KL: variants seen among roughly 807,000 people sequenced by gnomAD.
The protein encoded by KL is klotho, also known as alpha-klotho.
KL carries 62 observed loss-of-function variants against 84.2 expected under a neutral mutation model. The observed-to-expected ratio is 0.74, with a 90% CI of 0.60 to 0.91. KL has a LOEUF of 0.91. KL is among the 40% of genes least tolerant of loss of function. The probability of loss-of-function intolerance (pLI) is 0.00; values close to 1 mark genes in which losing one functional copy is unlikely to be tolerated. For synonymous variants in KL, 528 were observed against 528.0 expected, an observed-to-expected ratio of 1.00 and a Z score of 0.00; for missense variants, 1,261 against 1,305.7, an observed-to-expected ratio of 0.97 and a Z score of 0.53.
At chr13:33,050,943 G>C (rs1381328808) in intron 1 of KL, among the ~76,000 whole-genome samples, 1 of 152,208 alleles carries the variant, frequency 6.6e-6, no homozygotes, top group Non-Finnish European at 1.5e-5. Flanking sequence ...ATAGTTAGAG[G>C]AGTAGGGAAT....
chr13:33,049,734 G>T (rs1450523094), intron 1 of KL, among the ~76,000 whole-genome samples: 1 of 152,200 alleles, frequency 6.6e-6, no homozygotes, highest in Non-Finnish European at 1.5e-5. Context: ...GAACAGGTGG[G>T]CAGGGTGAGA....
In KL at chr13:33,061,066, G is replaced by A. The variant is rs763374333; in HGVS notation, c.1987G>A (p.Ala663Thr). The A allele has an allele frequency of 7.9e-5, 128 of 1,612,864 alleles. No homozygotes were observed. Among genetic ancestry groups the A allele is most frequent in the South Asian group, 7.9e-4 (72 of 90,954 alleles). ...GGGCGCCTGGGAGAACCCCTACACT[G>A]CCCTGGCCTTTGCAGAGTATGCCCG... ...RQGAWENPYT[A>T]LAFAEYARLC... is the part of the protein sequence containing the mutation. The change falls in exon 4 of 5, where the codon GCC becomes ACC. Residue 663 changes from alanine (A) to threonine (T), a missense_variant. Transcript: ENST00000380099.
At chr13:33,035,776 C>T (rs1485373578) in intron 1 of KL, among the ~76,000 whole-genome samples, 5 of 152,092 alleles carry the variant, frequency 3.3e-5, no homozygotes, top group Non-Finnish European at 4.4e-5. Flanking sequence ...AACAACCTAG[C>T]GTCAATGACT....
Position 33,057,811 on chromosome 13 carries a change from A to G in KL, c.1599+2496A>G, listed in dbSNP as rs189573743. ...CCCTAACTGACCTGACGTAGTCAAA[A>G]TAAGTTCTTTGTATGTCAGTTCTGA... On this transcript the variant is annotated intron_variant, in intron 3 of 4. Transcript: ENST00000380099. Among the ~76,000 whole-genome samples, 581 of 152,296 alleles carry G rather than the reference A, an allele frequency of 3.8e-3. 4 individuals are homozygous for G. The highest frequency in any genetic ancestry group is 0.034 in the Middle Eastern group (10 of 294).
chr13:33,028,421 C>T (rs1870856766), intron 1 of KL, among the ~76,000 whole-genome samples: 2 of 152,144 alleles, frequency 1.3e-5, no homozygotes, highest in Admixed American at 1.3e-4. Flanking sequence ...AACCCTTTCT[C>T]AGGAAGTTAT....
At chr13:33,027,601 A>G (rs1490688063) in intron 1 of KL, among the ~76,000 whole-genome samples, 1 of 152,190 alleles carries the variant, frequency 6.6e-6, no homozygotes, top group Non-Finnish European at 1.5e-5. Flanking sequence ...GAGTCTCAAT[A>G]CAATATATCA....
At chr13:33,045,824 G>A (rs613201) in intron 1 of KL, among the ~76,000 whole-genome samples, 1 of 152,142 alleles carries the variant, frequency 6.6e-6, no homozygotes, top group East Asian at 1.9e-4. Context: ...CTTTCTAGTC[G>A]TAGTTTTCTG....
At chr13:33,044,640 CTTTTTTTTTTTTTTTTT>C (rs71071071) in intron 1 of KL, among the ~76,000 whole-genome samples, 1 of 52,750 alleles carries the variant, frequency 1.9e-5, no homozygotes, top group Non-Finnish European at 3.2e-5. Flanking sequence ...AATTGATTTT[CTTTTTTTTTTTTTTTTT>C]TTTTTTTTTT....
chr13:33,060,337 TAAAAGA>T (rs2138241644), intron 3 of KL, among the ~76,000 whole-genome samples: 1 of 152,314 alleles, frequency 6.6e-6, no homozygotes, highest in Non-Finnish European at 1.5e-5. Flanking sequence ...TTTCTTACAT[TAAAAGA>T]AAAACACCCA....
At chr13:33,023,895 C>T (rs1310913106) in intron 1 of KL, among the ~76,000 whole-genome samples, 2 of 152,142 alleles carry the variant, frequency 1.3e-5, no homozygotes, top group Non-Finnish European at 2.9e-5. Context: ...TTTGGAAAAT[C>T]CCAGGTTACA....
In KL at chr13:33,061,392, A is replaced by T; in HGVS notation, c.2313A>T (p.Pro771=). 2 of 1,614,216 alleles carry T rather than the reference A, an allele frequency of 1.2e-6. No individual in the cohort carries two copies. Among genetic ancestry groups the T allele is most frequent in the East Asian group, 4.5e-5 (2 of 44,888 alleles). Residue 771 remains proline, a synonymous_variant, in exon 4 of 5, where the codon CCA becomes CCT. Coordinates refer to ENST00000380099, the MANE Select transcript of KL (RefSeq NM_004795.4). The stretch of plus-strand genomic sequence containing the variant: ...CCATTTTCGGCTCTGGAGATTATCC[A>T]TGGGTGATGAGGGACTGGCTGAACC... The part of the protein sequence containing the change: ...AEPIFGSGDY[P]WVMRDWLNQR...
intron 3 of KL, 70 bp from the exon 4 acceptor site, chr13:33,060,609 G>A: frequency 6.3e-7 from 1 of 1,583,186 alleles, no homozygotes; most frequent in Non-Finnish European, 8.7e-7. Context: ...TAGTTTTGCT[G>A]AAATAATTGC....
chr13:33,039,396 C>G (rs1871254900), intron 1 of KL, among the ~76,000 whole-genome samples: 1 of 151,876 alleles, frequency 6.6e-6, no homozygotes, highest in Non-Finnish European at 1.5e-5. Flanking sequence ...TGAATAATTC[C>G]ACATTATTGG....
chr13:33,016,944 G>A lies in KL; in HGVS notation c.504G>A (p.Glu168=). The A allele has an allele frequency of 1.2e-6, 2 of 1,607,274 alleles. No homozygotes were observed. The highest frequency in any genetic ancestry group is 8.5e-7 in the Non-Finnish European group (1 of 1,178,254). The change falls in exon 1 of 5, where the codon GAG becomes GAA. Residue 168 remains glutamate (E), a synonymous_variant. Coordinates refer to ENST00000380099, the MANE Select transcript of KL (RefSeq NM_004795.4). ...PNGSAGVPNR[E]GLRYYRRLLE... ...GCAGCGCGGGCGTCCCCAACCGCGA[G>A]GGGCTGCGCTACTACCGGCGCCTGC...
intron 1 of KL, among the ~76,000 whole-genome samples, chr13:33,041,622 C>A (rs759786458): frequency 2.0e-5 from 3 of 151,990 alleles, no homozygotes; most frequent in Middle Eastern, 3.2e-3. Context: ...GAGGCACAGA[C>A]TTCAGATAAT....
At chr13:33,049,113 A>G (rs1302464617) in intron 1 of KL, among the ~76,000 whole-genome samples, 2 of 152,206 alleles carry the variant, frequency 1.3e-5, no homozygotes, top group Non-Finnish European at 2.9e-5. Context: ...TTATGAGATA[A>G]TATGGTATTA....
intron 3 of KL, among the ~76,000 whole-genome samples, chr13:33,059,408 A>G (rs1392004874): frequency 6.6e-6 from 1 of 152,090 alleles, no homozygotes; most frequent in African/African-American, 2.4e-5. Flanking sequence ...TAAAAATTCC[A>G]CTATGGGTGG....
Position 33,063,928 on chromosome 13 carries a change from C to G in KL, c.2781C>G (p.Leu927=), listed in dbSNP as rs368462892. The change falls in exon 5 of 5, where the codon CTC becomes CTG. Residue 927 remains leucine (L), a synonymous_variant. Transcript: ENST00000380099. ...ACCGCACAGCTCCGAGGTTTGGCCTCTATCGTTATGCTGCAGATCAGTTTG... is the reference window on the plus strand; with the variant it reads ...ACCGCACAGCTCCGAGGTTTGGCCTGTATCGTTATGCTGCAGATCAGTTTG... ...FNDRTAPRFG[L]YRYAADQFEP... 5 of 1,614,048 alleles carry G rather than the reference C, an allele frequency of 3.1e-6. No homozygotes were observed. Among genetic ancestry groups the G allele is most frequent in the Non-Finnish European group, 4.2e-6 (5 of 1,180,046 alleles).
intron 1 of KL, among the ~76,000 whole-genome samples, chr13:33,052,008 G>A (rs746816231): frequency 2.6e-4 from 39 of 152,190 alleles, no homozygotes; most frequent in Admixed American, 1.3e-4. Context: ...CTGGGCTGGA[G>A]GTCAGTGGTG....
Sources: gnomAD v4.1 joint callset for allele counts (sites outside exome capture counted in the v4.1 genomes callset) on GRCh38, gnomAD v4.1.1 for gene constraint, MANE v1.5 for transcripts, NCBI Gene and HGNC (gene_info 2026-07-23, HGNC 2026-07-21) for gene names.